The following NCF2 variants were observed in gnomAD, a reference collection of about 807,000 sequenced individuals.
NCF2 encodes the protein neutrophil cytosolic factor 2.
Under a neutral mutation model 70.9 loss-of-function variants are expected in NCF2, and 45 were observed. The ratio of observed to expected loss-of-function variants is 0.63; its 90% CI spans 0.50 to 0.81. NCF2 has a LOEUF of 0.81. Among genes scored for constraint, NCF2 ranks in the 40% least tolerant of loss-of-function variants. The pLI is 0.00. For synonymous variants in NCF2, 203 were observed against 233.6 expected (o/e 0.87, Z 1.19); for missense variants, 522 against 631.6 (o/e 0.83, Z 1.86).
intron 7 of NCF2, 133 bp from the exon 8 acceptor site, chr1:183,567,478 G>T: frequency 1.6e-6 from 2 of 1,274,086 alleles, no homozygotes; most frequent in Non-Finnish European, 2.3e-6. Context: ...CTGCCGAGAT[G>T]ACACTGAGCC....
At chr1:183,581,485 CTTATT>C (rs943989358) in intron 2 of NCF2, among the ~76,000 whole-genome samples, 27 of 151,390 alleles carry the variant, frequency 1.8e-4, no homozygotes, top group Admixed American at 9.9e-4. Context: ...AAAAAGATTA[CTTATT>C]TTATTTATTA....
intron 5 of NCF2, among the ~76,000 whole-genome samples, chr1:183,571,993 C>T (rs1445369899): frequency 6.6e-6 from 1 of 152,140 alleles, no homozygotes; most frequent in Admixed American, 6.5e-5. Flanking sequence ...ATTACTCATT[C>T]ATCAGTTGAT....
At chr1:183,591,538 A>G (rs1206015781), upstream of NCF2, among the ~76,000 whole-genome samples, 2 of 147,544 alleles carry the variant, frequency 1.4e-5, no homozygotes, top group Non-Finnish European at 3.0e-5. Context: ...GCTGGAATGC[A>G]GTGACACGAT....
chr1:183,573,998 C>G (rs989131971), intron 4 of NCF2, among the ~76,000 whole-genome samples: 1 of 152,176 alleles, frequency 6.6e-6, no homozygotes, highest in African/African-American at 2.4e-5. Context: ...GCTGAGGCAG[C>G]AGAATTGCTT....
intron 13 of NCF2, among the ~76,000 whole-genome samples, chr1:183,561,316 TGA>T (rs892244353): frequency 6.6e-6 from 1 of 152,184 alleles, no homozygotes; most frequent in Non-Finnish European, 1.5e-5. Context: ...ATATTTTTAT[TGA>T]GAGGCAATAC....
chr1:183,589,995 G>A (rs1203057277), intron 1 of NCF2, among the ~76,000 whole-genome samples, 161 bp downstream of exon 1: 1 of 152,124 alleles, frequency 6.6e-6, no homozygotes, highest in Non-Finnish European at 1.5e-5. Context: ...GCTGCCTGGG[G>A]CCCCTCCCAG....
intron 2 of NCF2, among the ~76,000 whole-genome samples, chr1:183,586,563 A>G (rs1673361328): frequency 6.6e-6 from 1 of 152,148 alleles, no homozygotes. Flanking sequence ...ATTCTGTGAC[A>G]GCTCAGTACC....
the NCF2 span, among the ~76,000 whole-genome samples, chr1:183,597,528 G>A: frequency 1.3e-5 from 2 of 152,208 alleles, no homozygotes; most frequent in Non-Finnish European, 2.9e-5. Flanking sequence ...ATTGCAGGAT[G>A]CTGAGGTCTG....
chr1:183,596,896 C>T, the NCF2 span, among the ~76,000 whole-genome samples: 2 of 152,170 alleles, frequency 1.3e-5, no homozygotes, highest in Non-Finnish European at 2.9e-5. Context: ...ATTCCTATAG[C>T]ATTTTATGAT....
rs1672444998 is a variant in NCF2, at chr1:183,569,331, G to A, written c.670-146C>T. ...TCTGACTGATGAGAACACTGTCTAG[G>A]AAGAGGGCACAGTCACCCTGACTAA... On this transcript the variant is annotated intron_variant, in intron 6 of 14. Transcript: ENST00000367535. The A allele has an allele frequency of 3.8e-6, 3 of 787,604 alleles. No homozygotes were observed. In the East Asian group the frequency reaches 7.5e-5, roughly 20 times the overall value. The allele number at this position is 787,604 out of a possible 1,614,324, so 48.8% of individuals were successfully genotyped here. A position where few individuals can be genotyped will look rare whatever the true frequency, so the allele number is the denominator to read the frequency against.
Position 183,563,912 on chromosome 1 carries a change from C to G in NCF2, c.1026+93G>C, listed in dbSNP as rs556588805. 11 of 1,424,636 alleles carry G rather than the reference C, an allele frequency of 7.7e-6. No individual in the cohort carries two copies. In the African/African-American group the frequency reaches 1.6e-4, roughly 20 times the overall value. 88.2% of individuals were successfully genotyped at this position (1,424,636 alleles called of 1,614,324 possible). ...AACTGGTTCGACCCTCCCTTTGGGG[C>G]TCTTCCTATAATCCAGACAGACATG... On this transcript the variant is annotated intron_variant, in intron 11 of 14. Coordinates refer to ENST00000367535, the MANE Select transcript of NCF2 (RefSeq NM_000433.4).
In NCF2 at chr1:183,574,480, C is replaced by T. The variant is rs368417422; in HGVS notation, c.501+7G>A. ...CCTCTCAACACCTGCATCACCAATA[C>T]GCTTACCCAGACACACTCCATCGCC... is the stretch of plus-strand genomic sequence containing the variant. On this transcript the variant is annotated splice_region_variant and intron_variant, in intron 4 of 14. Transcript: ENST00000367535. 76 of 1,613,976 alleles carry T rather than the reference C, an allele frequency of 4.7e-5. 1 individual carries two copies. The highest frequency in any genetic ancestry group is 3.3e-4 in the Middle Eastern group (2 of 6,084).
intron 2 of NCF2, among the ~76,000 whole-genome samples, chr1:183,583,362 G>A (rs1002881167): frequency 1.3e-5 from 2 of 152,040 alleles, no homozygotes; most frequent in African/African-American, 4.8e-5. Context: ...CCAATCTGAG[G>A]GAATTTCTGT....
At position 183,556,176 on chromosome 1, in the gene NCF2, T is replaced by G; in HGVS notation, c.1523A>C (p.Lys508Thr). 6.2e-7 allele frequency: 1 copy of G among 1,614,168 alleles called. No homozygotes were observed. Among genetic ancestry groups the G allele is most frequent in the South Asian group, 1.1e-5 (1 of 91,086 alleles). The change falls in exon 15 of 15, where the codon AAA (lysine) becomes ACA (threonine). Residue 508 changes from lysine (K) to threonine (T), a missense_variant. By Grantham distance (78) the Lys-to-Thr change is moderately conservative. Transcript: ENST00000367535. ...AGTTGCGCAGTCTTCAACAAAAACT[T>G]TGGGGAAAATGCCCACCTTCCCTTT... is the stretch of plus-strand genomic sequence containing the variant. Reference protein sequence around the residue: ...ECKGKVGIFPKVFVEDCATTD... With the variant: ...ECKGKVGIFPTVFVEDCATTD...
the NCF2 span, among the ~76,000 whole-genome samples, chr1:183,601,298 TA>T: frequency 1.3e-5 from 2 of 152,232 alleles, no homozygotes. Flanking sequence ...TATGGCTGTG[TA>T]ATTTTCTGTC....
At chr1:183,569,947 C>T (rs1672473362) in intron 6 of NCF2, among the ~76,000 whole-genome samples, 1 of 152,182 alleles carries the variant, frequency 6.6e-6, no homozygotes, top group African/African-American at 2.4e-5. Flanking sequence ...ATCTCCTCCC[C>T]TGTTCTACAC....
At chr1:183,588,183 AATG>A (rs1673457096) in intron 1 of NCF2, among the ~76,000 whole-genome samples, 1 of 152,234 alleles carries the variant, frequency 6.6e-6, no homozygotes, top group Admixed American at 6.5e-5. Flanking sequence ...TGGAGGTGAT[AATG>A]ATGTCAAACT....
chr1:183,568,000 G>T (rs1672386901), intron 7 of NCF2, among the ~76,000 whole-genome samples: 1 of 152,060 alleles, frequency 6.6e-6, no homozygotes, highest in Non-Finnish European at 1.5e-5. Context: ...CAGGTTTCAG[G>T]CTTCCCTCCC....
At chr1:183,595,323 A>G (rs776929291), upstream of NCF2, among the ~76,000 whole-genome samples, 1 of 152,228 alleles carries the variant, frequency 6.6e-6, no homozygotes, top group Non-Finnish European at 1.5e-5. Context: ...CAGCAATGCT[A>G]TTGAAAGCCT....
Sources: gnomAD v4.1 joint callset for allele counts (sites outside exome capture counted in the v4.1 genomes callset) on GRCh38, gnomAD v4.1.1 for gene constraint, MANE v1.5 for transcripts, NCBI Gene and HGNC (gene_info 2026-07-23, HGNC 2026-07-21) for gene names.